Variants in SCHIP1 observed in about 807,000 individuals in gnomAD.
SCHIP1 encodes the protein schwannomin interacting protein 1.
Under a neutral mutation model 29.7 loss-of-function variants are expected in SCHIP1, and 8 were observed. The observed-to-expected ratio is 0.27, with a 90% CI of 0.16 to 0.49. SCHIP1 has a LOEUF of 0.49. Ranked by LOEUF, SCHIP1 falls within the 20% of genes least tolerant of loss-of-function variation. The pLI, the probability that SCHIP1 is intolerant of heterozygous loss-of-function variation, is 0.99. For missense variants in SCHIP1, 193 were observed against 294.6 expected (o/e 0.66, Z 2.52); for synonymous variants, 76 against 94.9 (o/e 0.80, Z 1.16).
At chr3:159,410,883 TCACTA>T in the SCHIP1 span, among the ~76,000 whole-genome samples, 21,027 of 152,086 alleles carry the variant, frequency 0.14, 1,687 homozygotes, top group African/African-American at 0.2. Flanking sequence ...TAAATGTCCA[TCACTA>T]GATGAATGGA....
At chr3:159,339,720 T>G in the SCHIP1 span, among the ~76,000 whole-genome samples, 10 of 152,150 alleles carry the variant, frequency 6.6e-5, no homozygotes, top group African/African-American at 2.4e-4. Flanking sequence ...ACGTTGGAAT[T>G]TAATAGATAA....
the SCHIP1 span, among the ~76,000 whole-genome samples, chr3:159,576,654 G>A: frequency 6.6e-6 from 1 of 151,962 alleles, no homozygotes. Flanking sequence ...AAAAGTTTTA[G>A]TCTACCCTTT....
the SCHIP1 span, among the ~76,000 whole-genome samples, chr3:159,293,788 G>A: frequency 6.6e-6 from 1 of 151,874 alleles, no homozygotes; most frequent in Admixed American, 6.6e-5. Context: ...AATAGTTATA[G>A]GGCAAAAAAT....
the SCHIP1 span, among the ~76,000 whole-genome samples, chr3:159,470,249 G>T: frequency 6.6e-6 from 1 of 152,022 alleles, no homozygotes; most frequent in Non-Finnish European, 1.5e-5. Flanking sequence ...CATCATTATT[G>T]CATTGAACAT....
At chr3:159,342,971 G>A in the SCHIP1 span, among the ~76,000 whole-genome samples, 3 of 152,096 alleles carry the variant, frequency 2.0e-5, no homozygotes, top group African/African-American at 4.8e-5. Flanking sequence ...CACTTTGGAG[G>A]TAACCAGACA....
chr3:159,311,509 T>G, the SCHIP1 span, among the ~76,000 whole-genome samples: 3 of 152,174 alleles, frequency 2.0e-5, no homozygotes, highest in Non-Finnish European at 4.4e-5. Flanking sequence ...TTATTCAGAA[T>G]GATTATGGCT....
the SCHIP1 span, among the ~76,000 whole-genome samples, chr3:159,519,025 A>G: frequency 6.6e-6 from 1 of 152,146 alleles, no homozygotes; most frequent in Non-Finnish European, 1.5e-5. Flanking sequence ...TCCATTTAAG[A>G]AACCAAGCTC....
chr3:159,403,825 CT>C, the SCHIP1 span, among the ~76,000 whole-genome samples: 1,622 of 152,310 alleles, frequency 0.011, 28 homozygotes, highest in African/African-American at 0.038. Context: ...GGCACCACCC[CT>C]CTCTCAACCC....
chr3:159,699,334 G>A, the SCHIP1 span, among the ~76,000 whole-genome samples: 1 of 152,130 alleles, frequency 6.6e-6, no homozygotes, highest in Non-Finnish European at 1.5e-5. Context: ...AAGTGCTATT[G>A]GTGAATTTCA....
the SCHIP1 span, among the ~76,000 whole-genome samples, chr3:159,603,154 T>C: frequency 6.6e-5 from 10 of 152,176 alleles, no homozygotes; most frequent in African/African-American, 2.4e-4. Context: ...CCATTTATTA[T>C]AAAGGGTATT....
chr3:159,429,234 A>T, the SCHIP1 span, among the ~76,000 whole-genome samples: 3 of 151,962 alleles, frequency 2.0e-5, no homozygotes, highest in Non-Finnish European at 2.9e-5. Context: ...GAAAAAAAAA[A>T]AAAGAATATG....
the SCHIP1 span, among the ~76,000 whole-genome samples, chr3:159,601,842 C>T: frequency 6.6e-6 from 1 of 152,348 alleles, no homozygotes; most frequent in South Asian, 2.1e-4. Flanking sequence ...TATGCTGCTG[C>T]AGACCTCCAA....
the SCHIP1 span, among the ~76,000 whole-genome samples, chr3:159,762,908 C>A: frequency 2.1e-4 from 32 of 152,234 alleles, 1 homozygote; most frequent in African/African-American, 7.5e-4. Flanking sequence ...TCTACCTCTT[C>A]CCCTCCTTTA....
the SCHIP1 span, among the ~76,000 whole-genome samples, chr3:159,779,770 T>A: frequency 4.6e-5 from 7 of 151,830 alleles, no homozygotes; most frequent in African/African-American, 7.3e-5. Flanking sequence ...AATTTTTTTT[T>A]AACTAATTAT....
At chr3:159,508,818 C>A in the SCHIP1 span, among the ~76,000 whole-genome samples, 1 of 151,826 alleles carries the variant, frequency 6.6e-6, no homozygotes, top group Non-Finnish European at 1.5e-5. Flanking sequence ...TTTGATTGCA[C>A]TGTGGTCTGA....
chr3:159,679,693 G>C, the SCHIP1 span, among the ~76,000 whole-genome samples: 1 of 152,072 alleles, frequency 6.6e-6, no homozygotes, highest in Non-Finnish European at 1.5e-5. Context: ...GGAGCACAGG[G>C]CTCTGGAGAA....
At chr3:159,656,325 TCA>T in the SCHIP1 span, among the ~76,000 whole-genome samples, 5 of 152,260 alleles carry the variant, frequency 3.3e-5, no homozygotes, top group East Asian at 3.9e-4. Context: ...TTCCAGAATC[TCA>T]CAGTTACTTA....
the SCHIP1 span, among the ~76,000 whole-genome samples, chr3:159,301,628 G>A: frequency 4.6e-5 from 7 of 152,232 alleles, no homozygotes; most frequent in East Asian, 1.9e-4. Context: ...TGCTGTTCTC[G>A]TGATAGTGAG....
At chr3:159,607,789 A>G in the SCHIP1 span, among the ~76,000 whole-genome samples, 1 of 152,176 alleles carries the variant, frequency 6.6e-6, no homozygotes, top group Non-Finnish European at 1.5e-5. Context: ...TCTGATGTCA[A>G]GTGGTTTTGT....
Sources: gnomAD v4.1 joint callset for allele counts (sites outside exome capture counted in the v4.1 genomes callset) on GRCh38, gnomAD v4.1.1 for gene constraint, MANE v1.5 for transcripts, NCBI Gene and HGNC (gene_info 2026-07-23, HGNC 2026-07-21) for gene names.